KSR1: variants seen among roughly 807,000 people sequenced by gnomAD.
KSR1 encodes kinase suppressor of ras 1, also known as kinase suppressor of ras.
In KSR1, 35 loss-of-function variants were observed where a neutral mutation model predicts 92.9. The ratio of observed to expected loss-of-function variants is 0.38; its 90% CI spans 0.29 to 0.50. The LOEUF (loss-of-function observed/expected upper bound fraction) is 0.50, where lower values mean the gene tolerates loss of function less well. Among genes scored for constraint, KSR1 ranks in the 20% least tolerant of loss-of-function variants. The pLI is 0.94. For missense variants in KSR1, 972 were observed against 1,158.5 expected (o/e 0.84, Z 2.34); for synonymous variants, 467 against 472.6 (o/e 0.99, Z 0.15).
intron 1 of KSR1, among the ~76,000 whole-genome samples, chr17:27,545,230 T>C (rs1442141007): frequency 6.6e-6 from 1 of 152,246 alleles, no homozygotes; most frequent in East Asian, 1.9e-4. Context: ...AACCGCTTGC[T>C]CCTCTTCTAG....
Position 27,577,506 on chromosome 17 carries a change from C to A in KSR1, c.387C>A (p.Asp129Glu). The A allele has an allele frequency of 1.3e-6, 2 of 1,573,256 alleles. No individual in the cohort carries two copies. Among genetic ancestry groups the A allele is most frequent in the Non-Finnish European group, 1.7e-6 (2 of 1,157,896 alleles). ...RPEVVQEIPR[D>E]LTLDALLEMN... ...TGTCCCCTTAGGAGATCCCCCGAGA[C>A]CTCACGCTGGATGCCCTGCTGGAGA... The change falls in exon 3 of 21, where the codon GAC (aspartate) becomes GAA (glutamate). Residue 129 changes from aspartate (D) to glutamate (E), a missense_variant. Asp to Glu is a conservative substitution (Grantham distance 45). Coordinates refer to ENST00000644974, the MANE Select transcript of KSR1 (RefSeq NM_001394583.1). This position sits in a 1 kb window ranked among gnomAD's most constrained non-coding sequence, Gnocchi z 4.5.
At chr17:27,498,817 G>C (rs1365452978) in intron 1 of KSR1, among the ~76,000 whole-genome samples, 1 of 152,198 alleles carries the variant, frequency 6.6e-6, no homozygotes, top group African/African-American at 2.4e-5. Flanking sequence ...GGTTGTGTGG[G>C]CAGGTGGAGA....
intron 1 of KSR1, among the ~76,000 whole-genome samples, chr17:27,522,491 GA>G (rs2070082908): frequency 6.6e-6 from 1 of 152,152 alleles, no homozygotes; most frequent in Admixed American, 6.5e-5. Flanking sequence ...CCTTTATCAG[GA>G]GATGCTCATG....
At chr17:27,610,690 T>C (rs949655530) in intron 17 of KSR1, among the ~76,000 whole-genome samples, 1 of 152,250 alleles carries the variant, frequency 6.6e-6, no homozygotes, top group Non-Finnish European at 1.5e-5. Flanking sequence ...TGAAATTAGT[T>C]TCCCCTGTTT....
chr17:27,560,052 G>A (rs1321265442), intron 2 of KSR1, among the ~76,000 whole-genome samples: 3 of 152,322 alleles, frequency 2.0e-5, no homozygotes, highest in Admixed American at 6.5e-5. Context: ...GGTGAGGAGC[G>A]CTGCCTCCCA....
Position 27,585,639 on chromosome 17 carries a change from G to T in KSR1, c.981-18G>T. The T allele has an allele frequency of 1.3e-6, 1 of 761,530 alleles. No homozygotes were observed. The highest frequency in any genetic ancestry group is 2.4e-6 in the Non-Finnish European group (1 of 408,576). The allele number at this position is 761,530 out of a possible 1,614,324, so 47.2% of individuals were successfully genotyped here. On this transcript the variant is annotated intron_variant, in intron 4 of 20. Coordinates refer to ENST00000644974, the MANE Select transcript of KSR1 (RefSeq NM_001394583.1). ...GCGTGGTGACGTAATCCCCCTCTCT[G>T]CTTTTTGTCTCCTCCAGGTTTGGTA...
At chr17:27,562,256 C>T (rs1567830375) in intron 2 of KSR1, among the ~76,000 whole-genome samples, 1 of 152,222 alleles carries the variant, frequency 6.6e-6, no homozygotes, top group African/African-American at 2.4e-5. Flanking sequence ...TCATTCACAG[C>T]TCTATCCCCA....
chr17:27,611,346 A>T, intron 17 of KSR1, 148 bp from the exon 18 acceptor site: 1 of 925,598 alleles, frequency 1.1e-6, no homozygotes, highest in Non-Finnish European at 1.6e-6. Context: ...AGCCTCCAGG[A>T]GCCCACTGTA....
intron 1 of KSR1, among the ~76,000 whole-genome samples, chr17:27,537,842 T>C (rs947173632): frequency 2.0e-5 from 3 of 152,116 alleles, no homozygotes; most frequent in Non-Finnish European, 4.4e-5. Context: ...AGTCCTGGAA[T>C]ACAAAAAATA....
intron 1 of KSR1, among the ~76,000 whole-genome samples, chr17:27,458,336 G>C: frequency 6.6e-6 from 1 of 152,298 alleles, no homozygotes; most frequent in East Asian, 1.9e-4. Context: ...GCTCAGTTCC[G>C]GGAGGAGGGG....
At chr17:27,622,010 T>C (rs1288151463) in intron 20 of KSR1, 7 of 1,457,762 alleles carry the variant, frequency 4.8e-6, no homozygotes, top group Non-Finnish European at 6.7e-6. Flanking sequence ...TCTGCTAAAA[T>C]GCAAAATGAG....
chr17:27,597,204 T>C, intron 9 of KSR1, 64 bp from the exon 10 acceptor site: 1 of 1,511,756 alleles, frequency 6.6e-7, no homozygotes, highest in Non-Finnish European at 9.0e-7. Flanking sequence ...AGGGAGGGTG[T>C]GGCTGGTGGG....
At chr17:27,558,268 C>CTTTTTTTTTTTT (rs35172937) in intron 2 of KSR1, 1 of 142,054 alleles carries the variant, frequency 7.0e-6, no homozygotes. Flanking sequence ...CCTTCTCTCT[C>CTTTTTTTTTTTT]TTTTTTTTTT....
chr17:27,602,957 T>C (rs1296604681), intron 11 of KSR1, among the ~76,000 whole-genome samples: 1 of 152,196 alleles, frequency 6.6e-6, no homozygotes, highest in African/African-American at 2.4e-5. Context: ...GGGAGGTCTT[T>C]TGGCTGAGCG....
At chr17:27,572,346 C>T (rs1050044334) in intron 2 of KSR1, among the ~76,000 whole-genome samples, 2 of 152,224 alleles carry the variant, frequency 1.3e-5, no homozygotes, top group Non-Finnish European at 2.9e-5. Context: ...GACTGGGCAT[C>T]TCTCAAGATG....
chr17:27,557,012 G>A (rs2071621991), intron 2 of KSR1, among the ~76,000 whole-genome samples: 1 of 152,214 alleles, frequency 6.6e-6, no homozygotes, highest in Non-Finnish European at 1.5e-5. Context: ...CCAAGGTCCT[G>A]CCAGTGGCCC....
intron 1 of KSR1, among the ~76,000 whole-genome samples, chr17:27,475,615 C>A (rs1746353550): frequency 6.6e-6 from 1 of 152,206 alleles, no homozygotes; most frequent in Non-Finnish European, 1.5e-5. Flanking sequence ...TCATCTATGA[C>A]ACGGGGACAG....
intron 1 of KSR1, among the ~76,000 whole-genome samples, chr17:27,460,691 C>T (rs116645176): frequency 6.6e-6 from 1 of 152,168 alleles, no homozygotes; most frequent in African/African-American, 2.4e-5. Context: ...ACAGCTCTGC[C>T]GTGGCAGAGG....
intron 1 of KSR1, among the ~76,000 whole-genome samples, chr17:27,512,253 G>A (rs1223764423): frequency 6.6e-6 from 1 of 152,226 alleles, no homozygotes; most frequent in Admixed American, 6.5e-5. Context: ...AGGAGCTTAT[G>A]ATTTTGGCTT....
Sources: gnomAD v4.1 joint callset for allele counts (sites outside exome capture counted in the v4.1 genomes callset) on GRCh38, gnomAD v4.1.1 for gene constraint, Gnocchi (gnomAD v3.1) non-coding constraint, MANE v1.5 for transcripts, NCBI Gene and HGNC (gene_info 2026-07-23, HGNC 2026-07-21) for gene names.